PITPNC1: variants seen among roughly 807,000 people sequenced by gnomAD.
The protein encoded by PITPNC1 is phosphatidylinositol transfer protein cytoplasmic 1.
PITPNC1 carries 18 observed loss-of-function variants against 44.7 expected under a neutral mutation model. The ratio of observed to expected loss-of-function variants is 0.40; its 90% confidence interval spans 0.28 to 0.60. PITPNC1 has a LOEUF of 0.60. PITPNC1 is among the 20% of genes least tolerant of loss of function. The pLI is 0.39. For missense variants in PITPNC1, 290 were observed against 418.4 expected (o/e 0.69, Z 2.68); for synonymous variants, 141 against 149.6 (o/e 0.94, Z 0.42).
At chr17:67,470,009 G>A (rs908315276) in intron 1 of PITPNC1, among the ~76,000 whole-genome samples, 3 of 151,884 alleles carry the variant, frequency 2.0e-5, no homozygotes, top group East Asian at 1.9e-4. Context: ...TGTAACCTCC[G>A]CCTCCTGGGT....
chr17:67,457,914 A>G (rs1427064889), intron 1 of PITPNC1: 3 of 152,176 alleles, frequency 2.0e-5, no homozygotes, highest in African/African-American at 7.2e-5. Flanking sequence ...TGCTGGAGGA[A>G]GCATAGTTGA....
intron 5 of PITPNC1, among the ~76,000 whole-genome samples, chr17:67,581,776 G>A (rs367678891): frequency 1.5e-4 from 23 of 152,232 alleles, no homozygotes; most frequent in African/African-American, 5.3e-4. Flanking sequence ...GCTCACGCCT[G>A]TAATCCCAGC....
At chr17:67,386,053 AGTCAATTTAGAAACCTTGT>A (rs2038045225) in intron 1 of PITPNC1, among the ~76,000 whole-genome samples, 1 of 152,312 alleles carries the variant, frequency 6.6e-6, no homozygotes, top group South Asian at 2.1e-4. Flanking sequence ...GGCTCTTGAA[AGTCAATTTAGAAACCTTGT>A]GTCTGATTGC....
intron 5 of PITPNC1, chr17:67,612,158 A>T (rs1033700751): frequency 6.6e-6 from 1 of 152,284 alleles, no homozygotes; most frequent in Admixed American, 6.5e-5. Context: ...GCAGGCAGAT[A>T]TCTTGCCAGG....
chr17:67,395,815 G>C (rs1326406581), intron 1 of PITPNC1, among the ~76,000 whole-genome samples: 1 of 152,194 alleles, frequency 6.6e-6, no homozygotes, highest in Non-Finnish European at 1.5e-5. Context: ...AGTGCCAGGA[G>C]TTTGGTAACT....
chr17:67,636,293 A>T (rs985249505), intron 6 of PITPNC1, among the ~76,000 whole-genome samples: 1 of 151,872 alleles, frequency 6.6e-6, no homozygotes, highest in Non-Finnish European at 1.5e-5. Flanking sequence ...AAAAAAAAAA[A>T]AAAAAAAAAA....
chr17:67,469,922 A>G (rs1375311897), intron 1 of PITPNC1, among the ~76,000 whole-genome samples: 1 of 152,006 alleles, frequency 6.6e-6, no homozygotes, highest in African/African-American at 2.4e-5. Flanking sequence ...GTGTATATGT[A>G]TATATATAAT....
At chr17:67,674,552 T>C (rs1455855230) in intron 7 of PITPNC1, among the ~76,000 whole-genome samples, 1 of 146,528 alleles carries the variant, frequency 6.8e-6, no homozygotes, top group East Asian at 2.0e-4. Flanking sequence ...AAAGAGGGAA[T>C]GTTAAGTGCT....
In PITPNC1 at chr17:67,430,142, G is replaced by A. The variant is rs78177351; in HGVS notation, c.48+51940G>A. The stretch of plus-strand genomic sequence containing the variant: ...AAGGGTTTAAGACAGTTCTGAATGC[G>A]CAGGAGTTTATAGATGGTAACGTCT... On this transcript the variant is annotated intron_variant, in intron 1 of 8. Transcript: ENST00000581322. Among the ~76,000 whole-genome samples, 236 of 152,320 alleles carry A rather than the reference G, an allele frequency of 1.5e-3. 1 individual carries two copies. The highest frequency in any genetic ancestry group is 2.6e-3 in the Non-Finnish European group (180 of 68,036).
chr17:67,408,776 C>T (rs547642797), intron 1 of PITPNC1: 29 of 124,178 alleles, frequency 2.3e-4, no homozygotes, highest in African/African-American at 9.9e-4. Context: ...CTTTTTCTTT[C>T]TCTAGTCAAA....
chr17:67,484,609 A>T (rs1219825138), intron 1 of PITPNC1, among the ~76,000 whole-genome samples: 1 of 152,150 alleles, frequency 6.6e-6, no homozygotes, highest in African/African-American at 2.4e-5. Context: ...GAAAATATTT[A>T]TCCAATCCCC....
chr17:67,518,305 T>C (rs2144102451), intron 1 of PITPNC1, among the ~76,000 whole-genome samples: 1 of 152,320 alleles, frequency 6.6e-6, no homozygotes, highest in East Asian at 1.9e-4. Context: ...TTTGTAAAGG[T>C]GTCTGGACCT....
In PITPNC1 at chr17:67,673,853, A is replaced by AGGCAGGAGAATCACTTGAACCAGGGAAGC. The variant is rs542452187; in HGVS notation, c.619-1623_619-1595dup. ...GTAATCCCAGCTACTCAGGAGGCTGAGGCAGGAGAATCACTTGAACCAGGG... is the reference window on the plus strand; with the variant it reads ...GTAATCCCAGCTACTCAGGAGGCTGAGGCAGGAGAATCACTTGAACCAGGGAAGCGGCAGGAGAATCACTTGAACCAGGG... On this transcript the variant is annotated intron_variant, in intron 7 of 8. Transcript: ENST00000581322. 2.7e-3 allele frequency among the ~76,000 whole-genome samples: 406 copies of AGGCAGGAGAATCACTTGAACCAGGGAAGC among 151,678 alleles called. 2 individuals are homozygous for AGGCAGGAGAATCACTTGAACCAGGGAAGC. Among genetic ancestry groups the AGGCAGGAGAATCACTTGAACCAGGGAAGC allele is most frequent in the African/African-American group, 9.1e-3 (377 of 41,336 alleles).
intron 5 of PITPNC1, among the ~76,000 whole-genome samples, chr17:67,608,571 A>G (rs1198422977): frequency 2.0e-5 from 3 of 148,694 alleles, no homozygotes; most frequent in East Asian, 2.0e-4. Context: ...GCTCACTGCA[A>G]CCTCCACCTC....
At chr17:67,559,941 A>G (rs2040885505) in intron 4 of PITPNC1, among the ~76,000 whole-genome samples, 1 of 152,226 alleles carries the variant, frequency 6.6e-6, no homozygotes, top group African/African-American at 2.4e-5. Flanking sequence ...CGGTGTCATC[A>G]CAGAGCCAGA....
At chr17:67,434,653 A>T (rs558955311) in intron 1 of PITPNC1, among the ~76,000 whole-genome samples, 1 of 151,876 alleles carries the variant, frequency 6.6e-6, no homozygotes. Context: ...TGTACTAAAA[A>T]TACAAAAAAA....
chr17:67,666,237 C>A (rs1301720350), intron 6 of PITPNC1, among the ~76,000 whole-genome samples: 1 of 152,216 alleles, frequency 6.6e-6, no homozygotes, highest in Non-Finnish European at 1.5e-5. Context: ...CTCAAGCAAT[C>A]CTCCTGCCTT....
At chr17:67,451,198 A>G (rs1301379252) in intron 1 of PITPNC1, among the ~76,000 whole-genome samples, 1 of 151,852 alleles carries the variant, frequency 6.6e-6, no homozygotes, top group African/African-American at 2.4e-5. Flanking sequence ...CACCCAGCTA[A>G]TATTTGTATT....
At chr17:67,575,443 T>G (rs1189517598) in intron 4 of PITPNC1, among the ~76,000 whole-genome samples, 1 of 152,232 alleles carries the variant, frequency 6.6e-6, no homozygotes, top group Admixed American at 6.5e-5. Flanking sequence ...ATTGATTGTT[T>G]CCGTGTTTCC....
Sources: allele counts gnomAD v4.1 joint callset (sites outside exome capture counted in the v4.1 genomes callset), GRCh38; gene constraint gnomAD v4.1.1; transcripts MANE v1.5; gene names NCBI Gene and HGNC (gene_info 2026-07-23, HGNC 2026-07-21).